The following SEPTIN9 variants were observed in gnomAD, a reference collection of about 807,000 sequenced individuals.
SEPTIN9 encodes septin-9.
Under a neutral mutation model 56.6 loss-of-function variants are expected in SEPTIN9, and 13 were observed. The observed-to-expected ratio is 0.23, with a 90% CI of 0.15 to 0.37. The LOEUF (loss-of-function observed/expected upper bound fraction) is 0.37. Ranked by LOEUF, SEPTIN9 falls within the 10% of genes least tolerant of loss-of-function variation. The pLI is 1.00. For synonymous variants in SEPTIN9, 332 were observed against 334.1 expected (o/e 0.99, Z 0.07); for missense variants, 650 against 823.1 (o/e 0.79, Z 2.57).
chr17:77,354,022 A>C (rs2034144910), intron 2 of SEPTIN9, among the ~76,000 whole-genome samples: 1 of 152,152 alleles, frequency 6.6e-6, no homozygotes, highest in Admixed American at 6.5e-5. Flanking sequence ...CAGCCTCGGC[A>C]GTCCCTCCCA....
chr17:77,397,716 C>T (rs2035766812), intron 2 of SEPTIN9, among the ~76,000 whole-genome samples: 1 of 152,164 alleles, frequency 6.6e-6, no homozygotes, highest in Non-Finnish European at 1.5e-5. Context: ...GTGGCACGAT[C>T]TGGGCTCACT....
At chr17:77,395,072 G>GT (rs992353776) in intron 2 of SEPTIN9, among the ~76,000 whole-genome samples, 317 of 138,908 alleles carry the variant, frequency 2.3e-3, no homozygotes, top group African/African-American at 4.6e-3. Context: ...GTATGTGTGT[G>GT]TTTTTTTTTT....
rs778769823 is a variant in SEPTIN9 at position 77,319,847 on chromosome 17, A to G, written c.76+12650A>G. ...GTCTAAGTTAAGCATCTCCAAGTGG[A>G]TATTAAAAAGGAGCAGCAAGCCTCG... On this transcript the variant is annotated intron_variant, in intron 2 of 11. Coordinates refer to ENST00000427177, the MANE Select transcript of SEPTIN9 (RefSeq NM_001113491.2). This position sits in a 1 kb window ranked among gnomAD's most constrained non-coding sequence, Gnocchi z 5.3. The G allele has an allele frequency of 2.8e-6, 3 of 1,088,708 alleles. No individual in the cohort carries two copies. The highest frequency in any genetic ancestry group is 3.9e-5 in the South Asian group (1 of 25,402). The allele number at this position is 1,088,708 out of a possible 1,614,324, so 67.4% of individuals were successfully genotyped here.
At chr17:77,298,116 A>G (rs1219185964) in intron 1 of SEPTIN9, among the ~76,000 whole-genome samples, 1 of 152,228 alleles carries the variant, frequency 6.6e-6, no homozygotes, top group Non-Finnish European at 1.5e-5. Context: ...TTAAAGGAGA[A>G]TGTGTTACCT....
intron 1 of SEPTIN9, among the ~76,000 whole-genome samples, chr17:77,292,704 G>T (rs1295506565): frequency 6.6e-6 from 1 of 152,080 alleles, no homozygotes; most frequent in Non-Finnish European, 1.5e-5. Flanking sequence ...ACATTGGCCG[G>T]GCTGGTCTCG....
chr17:77,397,804 C>G (rs1206087461), intron 2 of SEPTIN9, among the ~76,000 whole-genome samples: 1 of 152,164 alleles, frequency 6.6e-6, no homozygotes, highest in African/African-American at 2.4e-5. Context: ...CGCCCACCCC[C>G]ATGCCTAGCT....
At chr17:77,422,543 G>A (rs1224119726) in intron 3 of SEPTIN9, among the ~76,000 whole-genome samples, 1 of 152,180 alleles carries the variant, frequency 6.6e-6, no homozygotes, top group African/African-American at 2.4e-5. Context: ...AGAGCGGGCT[G>A]GGGGTGGGTG....
chr17:77,306,500 G>C (rs2032272145), intron 1 of SEPTIN9, among the ~76,000 whole-genome samples: 1 of 152,260 alleles, frequency 6.6e-6, no homozygotes, highest in Non-Finnish European at 1.5e-5. Flanking sequence ...CCAGGCCAAG[G>C]CCTGTGTGTG....
chr17:77,287,057 G>C (rs532890688), intron 1 of SEPTIN9, among the ~76,000 whole-genome samples: 1 of 152,378 alleles, frequency 6.6e-6, no homozygotes, highest in African/African-American at 2.4e-5. Flanking sequence ...ACAGCGCTGT[G>C]GCCCCATGGC....
chr17:77,383,339 C>G (rs1271661831), intron 2 of SEPTIN9, among the ~76,000 whole-genome samples: 1 of 152,152 alleles, frequency 6.6e-6, no homozygotes, highest in Non-Finnish European at 1.5e-5. Flanking sequence ...AGGTGCCAGG[C>G]CCTGGGCTGG....
In SEPTIN9 at chr17:77,371,815, G is replaced by A. The variant is rs75984699; in HGVS notation, c.77-30244G>A. On this transcript the variant is annotated intron_variant, in intron 2 of 11. Coordinates refer to ENST00000427177, the MANE Select transcript of SEPTIN9 (RefSeq NM_001113491.2). The surrounding 1 kb of genome is among the most constrained non-coding windows in gnomAD (Gnocchi z 4.1). The stretch of plus-strand genomic sequence containing the variant: ...GTTCCCATGTCCACAAACTCACTTG[G>A]TTGAAAATAGTTCAAAATATCCAAA... Among the ~76,000 whole-genome samples, 1,476 of 152,314 alleles carry A rather than the reference G, an allele frequency of 9.7e-3. 26 individuals carry two copies. The highest frequency in any genetic ancestry group is 0.033 in the African/African-American group (1,380 of 41,562).
At chr17:77,427,524 G>C (rs150146046) in intron 3 of SEPTIN9, among the ~76,000 whole-genome samples, 1 of 152,202 alleles carries the variant, frequency 6.6e-6, no homozygotes, top group African/African-American at 2.4e-5. Flanking sequence ...CACAGTGAAT[G>C]GGTTCCATCT....
At chr17:77,292,060 G>A (rs1236901545) in intron 1 of SEPTIN9, among the ~76,000 whole-genome samples, 2 of 152,164 alleles carry the variant, frequency 1.3e-5, no homozygotes, top group African/African-American at 4.8e-5. Flanking sequence ...GTCATGCCGA[G>A]GGTCCACAGA....
In SEPTIN9 at chr17:77,451,023, C is replaced by T. The variant is rs562282009; in HGVS notation, c.722-31121C>T. 4.4e-4 allele frequency: 71 copies of T among 159,924 alleles called. No homozygotes were observed. The highest frequency in any genetic ancestry group is 7.3e-4 in the Non-Finnish European group (55 of 75,124). The allele number at this position is 159,924 out of a possible 1,614,324, so 9.9% of individuals were successfully genotyped here. ...GGAAGCAGGGGTGTCAGGCAGAGCA[C>T]AAGGAGAGAGGGTGTCCAGGTCAGT... On this transcript the variant is annotated intron_variant, in intron 3 of 11. Coordinates refer to ENST00000427177, the MANE Select transcript of SEPTIN9 (RefSeq NM_001113491.2). This position sits in a 1 kb window ranked among gnomAD's most constrained non-coding sequence, Gnocchi z 4.2.
chr17:77,479,711 G>A (rs939578795), intron 3 of SEPTIN9, among the ~76,000 whole-genome samples: 1 of 145,756 alleles, frequency 6.9e-6, no homozygotes, highest in East Asian at 2.1e-4. Flanking sequence ...CGTTGGGGGC[G>A]AGAAAGGAGA....
rs960859946 is a variant in SEPTIN9, at chr17:77,445,810, C to T, written c.722-36334C>T. On this transcript the variant is annotated intron_variant, in intron 3 of 11. Transcript: ENST00000427177. The surrounding 1 kb of genome is among the most constrained non-coding windows in gnomAD (Gnocchi z 4.7). ...TGTGACCCTTCTGTTGGGTGGGTCA[C>T]GAGGAAGGACTGTGGGTGTTGCCCA... The T allele has an allele frequency of 9.9e-6, 2 of 202,712 alleles. No homozygotes were observed. Among genetic ancestry groups the T allele is most frequent in the South Asian group, 1.8e-4 (2 of 11,416 alleles). 12.6% of individuals were successfully genotyped at this position (202,712 alleles called of 1,614,324 possible).
At chr17:77,345,763 C>T (rs903060103) in intron 2 of SEPTIN9, among the ~76,000 whole-genome samples, 1 of 152,154 alleles carries the variant, frequency 6.6e-6, no homozygotes, top group African/African-American at 2.4e-5. Flanking sequence ...CAGCTCCCCA[C>T]AGTGTTGTCC....
At chr17:77,311,756 G>C (rs1030829363) in intron 2 of SEPTIN9, among the ~76,000 whole-genome samples, 2 of 152,184 alleles carry the variant, frequency 1.3e-5, no homozygotes, top group African/African-American at 4.8e-5. Flanking sequence ...TGCTCAAAGT[G>C]TGTCGGACGA....
At position 77,367,959 on chromosome 17, in the gene SEPTIN9, G is replaced by A. The variant is rs773325788; in HGVS notation, c.77-34100G>A. Among the ~76,000 whole-genome samples the A allele has an allele frequency of 1.3e-5, 2 of 152,256 alleles. No homozygotes were observed. Among genetic ancestry groups the A allele is most frequent in the Non-Finnish European group, 2.9e-5 (2 of 68,048 alleles). On this transcript the variant is annotated intron_variant, in intron 2 of 11. Coordinates refer to ENST00000427177, the MANE Select transcript of SEPTIN9 (RefSeq NM_001113491.2). This position sits in a 1 kb window ranked among gnomAD's most constrained non-coding sequence, Gnocchi z 4.5. ...GAAGGAATGGATATACAAAGTGTGT[G>A]TACACACAGTGGAATATCATTCAGC...
Sources: gnomAD v4.1 joint callset for allele counts (sites outside exome capture counted in the v4.1 genomes callset) on GRCh38, gnomAD v4.1.1 for gene constraint, Gnocchi (gnomAD v3.1) non-coding constraint, MANE v1.5 for transcripts, NCBI Gene and HGNC (gene_info 2026-07-23, HGNC 2026-07-21) for gene names.